Variants in CDH18 observed in about 807,000 individuals in gnomAD.
CDH18 encodes cadherin 18.
CDH18 carries 31 observed loss-of-function variants against 67.9 expected under a neutral mutation model. That is an observed-to-expected ratio of 0.46 (90% CI 0.34 to 0.62). The LOEUF is 0.62. CDH18 is among the 20% of genes least tolerant of loss of function. CDH18 has a pLI of 0.01. For synonymous variants in CDH18, 362 were observed against 347.2 expected, an observed-to-expected ratio of 1.04 and a Z score of -0.48; for missense variants, 890 against 975.5, an observed-to-expected ratio of 0.91 and a Z score of 1.17.
At chr5:20,345,006 C>G (rs1473925207) in intron 1 of CDH18, among the ~76,000 whole-genome samples, 1 of 152,128 alleles carries the variant, frequency 6.6e-6, no homozygotes, top group Non-Finnish European at 1.5e-5. Context: ...ACAGTGAACA[C>G]TCTCATTGCT....
chr5:19,868,219 T>C (rs1785806051), intron 2 of CDH18, among the ~76,000 whole-genome samples: 1 of 152,178 alleles, frequency 6.6e-6, no homozygotes, highest in Admixed American at 6.5e-5. Context: ...ATAAATATAA[T>C]AATGAATGAT....
At chr5:20,379,960 CA>C (rs1743782798) in intron 1 of CDH18, among the ~76,000 whole-genome samples, 1 of 151,806 alleles carries the variant, frequency 6.6e-6, no homozygotes, top group Non-Finnish European at 1.5e-5. Flanking sequence ...GGTACAGTTG[CA>C]AAACGTTCCA....
In CDH18 at chr5:19,999,911, G is replaced by A. The variant is rs534143604; in HGVS notation, c.-517-7897C>T. On this transcript the variant is annotated intron_variant, in intron 2 of 14. Coordinates refer to the CDH18 transcript ENST00000507958. ...CAAGCTCCACTTATCTTGTTTTATC[G>A]ATAATTCTCAAATTATGTATTAAGT... Among the ~76,000 whole-genome samples the A allele has an allele frequency of 1.4e-4, 22 of 152,170 alleles. No individual in the cohort carries two copies. In the South Asian group the frequency reaches 2.5e-3, roughly 17 times the overall value.
chr5:19,767,203 A>C (rs2149725234), intron 3 of CDH18, among the ~76,000 whole-genome samples: 1 of 152,176 alleles, frequency 6.6e-6, no homozygotes, highest in East Asian at 1.9e-4. Context: ...GTTTTTTTGT[A>C]AATCTCAATT....
At chr5:20,324,383 A>C (rs1422412404) in intron 1 of CDH18, among the ~76,000 whole-genome samples, 4 of 152,174 alleles carry the variant, frequency 2.6e-5, no homozygotes, top group Non-Finnish European at 4.4e-5. Context: ...ATTAAAAAAT[A>C]CAAAAAAATT....
chr5:20,183,963 TAC>T (rs1737896492), intron 2 of CDH18, among the ~76,000 whole-genome samples: 1 of 152,100 alleles, frequency 6.6e-6, no homozygotes, highest in Non-Finnish European at 1.5e-5. Flanking sequence ...AAGAATGACT[TAC>T]ACGAAAATAT....
At chr5:19,616,589 A>C (rs1429968790) in intron 5 of CDH18, among the ~76,000 whole-genome samples, 3 of 152,128 alleles carry the variant, frequency 2.0e-5, no homozygotes, top group Admixed American at 2.0e-4. Flanking sequence ...TTGTGTTTAC[A>C]ATTATCCTGA....
chr5:20,035,799 A>G (rs2150461193), intron 2 of CDH18, among the ~76,000 whole-genome samples: 1 of 152,118 alleles, frequency 6.6e-6, no homozygotes, highest in Middle Eastern at 3.4e-3. Context: ...ACTTGCTGAG[A>G]GTGATTGAGC....
At chr5:20,390,054 A>T (rs956173741) in intron 1 of CDH18, among the ~76,000 whole-genome samples, 28 of 152,190 alleles carry the variant, frequency 1.8e-4, no homozygotes, top group Non-Finnish European at 3.2e-4. Flanking sequence ...AACCTAGGCA[A>T]TACCATTAAG....
At chr5:19,625,170 AC>A (rs1441071664) in intron 5 of CDH18, among the ~76,000 whole-genome samples, 2 of 151,860 alleles carry the variant, frequency 1.3e-5, no homozygotes, top group East Asian at 3.9e-4. Flanking sequence ...TCCTCATACC[AC>A]CCTCAGTAAT....
chr5:19,606,125 T>C (rs1747997072), intron 6 of CDH18, among the ~76,000 whole-genome samples: 1 of 151,292 alleles, frequency 6.6e-6, no homozygotes, highest in Non-Finnish European at 1.5e-5. Context: ...TAAGAGCTAC[T>C]TCCCGGAAGT....
intron 2 of CDH18, among the ~76,000 whole-genome samples, chr5:19,966,032 A>G (rs927596943): frequency 1.3e-5 from 2 of 152,214 alleles, no homozygotes; most frequent in Admixed American, 6.6e-5. Flanking sequence ...AAAGGCTTTC[A>G]GGAGAGAAAA....
At chr5:19,488,107 T>C (rs1419294090) in intron 11 of CDH18, among the ~76,000 whole-genome samples, 2 of 152,170 alleles carry the variant, frequency 1.3e-5, no homozygotes, top group Non-Finnish European at 2.9e-5. Context: ...TTTTGTTCAA[T>C]AGTTTGAAAG....
chr5:20,327,603 C>T (rs1005130577), intron 1 of CDH18, among the ~76,000 whole-genome samples: 4 of 152,092 alleles, frequency 2.6e-5, no homozygotes, highest in Non-Finnish European at 4.4e-5. Flanking sequence ...CAGTGACCAA[C>T]ACAAATAACA....
intron 1 of CDH18, among the ~76,000 whole-genome samples, chr5:20,387,923 G>T (rs1197207527): frequency 6.6e-6 from 1 of 152,154 alleles, no homozygotes; most frequent in Non-Finnish European, 1.5e-5. Context: ...AAGCCCACTT[G>T]ATCATGGTGG....
chr5:19,847,462 A>G (rs1230839406), intron 2 of CDH18, among the ~76,000 whole-genome samples: 2 of 151,966 alleles, frequency 1.3e-5, no homozygotes, highest in African/African-American at 2.4e-5. Flanking sequence ...TTCTTTTTAT[A>G]TATTTAATCT....
At chr5:19,742,073 A>G (rs879301315) in intron 4 of CDH18, among the ~76,000 whole-genome samples, 3 of 152,202 alleles carry the variant, frequency 2.0e-5, no homozygotes, top group Admixed American at 6.5e-5. Context: ...TGCTTTAGAA[A>G]CCACTTCAGT....
chr5:19,569,033 C>T (rs953824787), intron 8 of CDH18, among the ~76,000 whole-genome samples: 3 of 152,140 alleles, frequency 2.0e-5, no homozygotes, highest in Non-Finnish European at 4.4e-5. Flanking sequence ...TCCCCCTTGG[C>T]CTACCTTTCA....
chr5:20,525,246 G>A (rs1000204293), intron 1 of CDH18, among the ~76,000 whole-genome samples: 3 of 152,132 alleles, frequency 2.0e-5, no homozygotes, highest in Non-Finnish European at 2.9e-5. Flanking sequence ...GGTCTGAGAT[G>A]CTCTTTTTGA....
Sources: allele counts gnomAD v4.1 joint callset (sites outside exome capture counted in the v4.1 genomes callset), GRCh38; gene constraint gnomAD v4.1.1; transcripts MANE v1.5; gene names NCBI Gene and HGNC (gene_info 2026-07-23, HGNC 2026-07-21).